The following PDGFA variants were observed in gnomAD, a reference collection of about 807,000 sequenced individuals.
The protein encoded by PDGFA is platelet-derived growth factor subunit A.
In PDGFA, 9 loss-of-function variants were observed where a neutral mutation model predicts 25.6. That is an observed-to-expected ratio of 0.35 (90% CI 0.21 to 0.61). The LOEUF (loss-of-function observed/expected upper bound fraction) is 0.61, where lower values mean the gene tolerates loss of function less well. Among genes scored for constraint, PDGFA ranks in the 20% least tolerant of loss-of-function variants. The probability of loss-of-function intolerance (pLI) is 0.75; values close to 1 mark genes in which losing one functional copy is unlikely to be tolerated. For missense variants in PDGFA, 242 were observed against 272.8 expected, an observed-to-expected ratio of 0.89 and a Z score of 0.79; for synonymous variants, 133 against 111.8, an observed-to-expected ratio of 1.19 and a Z score of -1.20.
At chr7:518,971 C>T in exon 1 of PDGFA, 1 of 1,541,368 alleles carries the variant, frequency 6.5e-7, no homozygotes, top group South Asian at 1.2e-5. Flanking sequence ...TATCCGCAGC[C>T]GAGGAGCAGC....
chr7:504,494 C>T (rs1451637609), intron 4 of PDGFA, among the ~76,000 whole-genome samples: 1 of 152,154 alleles, frequency 6.6e-6, no homozygotes, highest in African/African-American at 2.4e-5. Flanking sequence ...GACCGAGTTC[C>T]TTCCTCCCCT....
At chr7:502,694 G>A (rs1243791770) in intron 4 of PDGFA, among the ~76,000 whole-genome samples, 1 of 152,022 alleles carries the variant, frequency 6.6e-6, no homozygotes, top group African/African-American at 2.4e-5. Flanking sequence ...CTTCCCCGGG[G>A]AGCTGCAGGC....
At position 500,691 on chromosome 7, in the gene PDGFA, C is replaced by A; in HGVS notation, c.580+425G>T. On this transcript the variant is annotated intron_variant, in intron 5 of 5. Coordinates refer to ENST00000402802, the Ensembl canonical transcript of PDGFA. The surrounding 1 kb of genome is among the most constrained non-coding windows in gnomAD (Gnocchi z 5.0). ...AGCAGGGCACAGAAGCCATTCTGCTCCTGGGTGGAGTCCGCGTGGCGGGGT... is the reference window on the plus strand; with the variant it reads ...AGCAGGGCACAGAAGCCATTCTGCTACTGGGTGGAGTCCGCGTGGCGGGGT... 6.9e-7 allele frequency: 1 copy of A among 1,447,110 alleles called. No individual in the cohort carries two copies. The highest frequency in any genetic ancestry group is 1.5e-5 in the South Asian group (1 of 68,720). The allele number at this position is 1,447,110 out of a possible 1,614,324, so 89.6% of individuals were successfully genotyped here.
At chr7:505,190 C>T (rs1177511425) in intron 4 of PDGFA, among the ~76,000 whole-genome samples, 1 of 152,210 alleles carries the variant, frequency 6.6e-6, no homozygotes, top group Non-Finnish European at 1.5e-5. Context: ...GAACAGACTA[C>T]AATGTCCTCA....
chr7:500,927 A>C lies in PDGFA; in HGVS notation c.580+189T>G. The C allele has an allele frequency of 1.3e-6, 2 of 1,590,396 alleles. No individual in the cohort carries two copies. The highest frequency in any genetic ancestry group is 1.7e-6 in the Non-Finnish European group (2 of 1,175,650). ...CAGCTTGGGCCACCCTCCCCACCGG[A>C]CACCTGCAGGTGTGGGATCCGTCTC... On this transcript the variant is annotated intron_variant, in intron 5 of 5. Coordinates refer to ENST00000402802, the Ensembl canonical transcript of PDGFA. This position sits in a 1 kb window ranked among gnomAD's most constrained non-coding sequence, Gnocchi z 5.0.
chr7:512,309 T>C (rs9692018), intron 3 of PDGFA, 42 bp downstream of exon 3: 1,450,073 of 1,557,044 alleles, frequency 0.93, 678,382 homozygotes, highest in Non-Finnish European at 0.96. Context: ...GGACTCACCC[T>C]GACCCGGCCC....
chr7:513,724 C>T (rs1562492166), intron 2 of PDGFA, among the ~76,000 whole-genome samples: 1 of 152,326 alleles, frequency 6.6e-6, no homozygotes, highest in Admixed American at 6.5e-5. Context: ...ATCGAGGCAT[C>T]CGTGACTATC....
intron 3 of PDGFA, among the ~76,000 whole-genome samples, chr7:512,046 C>T (rs970445472): frequency 4.6e-5 from 7 of 152,210 alleles, no homozygotes; most frequent in African/African-American, 1.4e-4. Flanking sequence ...CAAGACAGGG[C>T]GCTTAAGGAA....
chr7:519,791 G>T (rs1483339210), upstream of PDGFA, among the ~76,000 whole-genome samples: 1 of 148,652 alleles, frequency 6.7e-6, no homozygotes, highest in Non-Finnish European at 1.5e-5. Flanking sequence ...GGAGGAGGAG[G>T]AGTAGGCGCA....
chr7:498,753 G>A (rs1782202365), intron 5 of PDGFA, among the ~76,000 whole-genome samples, 179 bp from the exon 6 acceptor site: 1 of 152,246 alleles, frequency 6.6e-6, no homozygotes, highest in Non-Finnish European at 1.5e-5. Flanking sequence ...CCATGTTGCA[G>A]TACCCTGACA....
In PDGFA at chr7:500,539, C is replaced by A; in HGVS notation, c.580+577G>T. ...GCAGGGCGGTGAGTGGGCCGAGGGA[C>A]GGCCGTCGGGGTGAAGAACTGAAGC... On this transcript the variant is annotated intron_variant, in intron 5 of 5. Transcript: ENST00000402802. This position sits in a 1 kb window ranked among gnomAD's most constrained non-coding sequence, Gnocchi z 5.0. The A allele has an allele frequency of 6.2e-7, 1 of 1,613,492 alleles. No individual in the cohort carries two copies. The highest frequency in any genetic ancestry group is 1.7e-5 in the Admixed American group (1 of 60,014).
chr7:517,344 GCCGC>G lies in PDGFA; in HGVS notation c.160+46_160+49del, dbSNP rs752646159. 7.4e-4 allele frequency: 686 copies of G among 928,782 alleles called. 7 individuals are homozygous for G. Among genetic ancestry groups the G allele is most frequent in the South Asian group, 2.2e-3 (91 of 42,194 alleles). 57.5% of individuals were successfully genotyped at this position (928,782 alleles called of 1,614,324 possible). On this transcript the variant is annotated intron_variant, in intron 2 of 5. Transcript: ENST00000402802. The surrounding 1 kb of genome is among the most constrained non-coding windows in gnomAD (Gnocchi z 7.4). ...CCCGGCCCCAGCTCGGGGCGCACAG[GCCGC>G]CCGCCCGCGCCCTCCCCGCGCGCGG...
At chr7:498,432 G>T in exon 6 of PDGFA, 1 of 822,632 alleles carries the variant, frequency 1.2e-6, no homozygotes. Flanking sequence ...GTTCTCCCGA[G>T]TGTTCTCGGA....
chr7:502,809 C>T (rs1013040188), intron 4 of PDGFA, among the ~76,000 whole-genome samples: 4 of 132,230 alleles, frequency 3.0e-5, no homozygotes, highest in African/African-American at 1.3e-4. Flanking sequence ...CACACACACA[C>T]ATAATGCACA....
intron 3 of PDGFA, 70 bp downstream of exon 3, chr7:512,281 T>G: frequency 1.5e-6 from 2 of 1,298,764 alleles, no homozygotes; most frequent in Non-Finnish European, 2.1e-6. Context: ...GGCCCTGCCC[T>G]GCCCATCGCG....
intron 2 of PDGFA, chr7:513,392 G>A (rs953655952): frequency 1.5e-4 from 22 of 144,460 alleles, no homozygotes; most frequent in African/African-American, 5.3e-4. Context: ...CCCGCAGTAG[G>A]GAGAGGACCC....
At chr7:520,083 G>C (rs761710421), upstream of PDGFA, 3 of 395,036 alleles carry the variant, frequency 7.6e-6, no homozygotes, top group Admixed American at 2.9e-5. Context: ...GCTCCGCGCC[G>C]GGGCTCCGCG....
chr7:505,796 C>A (rs1264102921), intron 4 of PDGFA, among the ~76,000 whole-genome samples: 1 of 152,162 alleles, frequency 6.6e-6, no homozygotes, highest in East Asian at 1.9e-4. Flanking sequence ...AGTCCAGAGC[C>A]CTGGCCCCAC....
upstream of PDGFA, chr7:520,554 C>G (rs531089398): frequency 6.6e-6 from 1 of 152,386 alleles, no homozygotes; most frequent in Non-Finnish European, 1.5e-5. Context: ...CCCAGTCCCC[C>G]ACTCCCGCGC....
Sources: allele counts gnomAD v4.1 joint callset (sites outside exome capture counted in the v4.1 genomes callset), GRCh38; gene constraint gnomAD v4.1.1; non-coding constraint Gnocchi (gnomAD v3.1); transcripts MANE v1.5; gene names NCBI Gene and HGNC (gene_info 2026-07-23, HGNC 2026-07-21).